Variants in KCNK2 observed in about 807,000 individuals in gnomAD.
KCNK2 encodes potassium two pore domain channel subfamily K member 2, also known as potassium channel subfamily K member 2.
In KCNK2, 21 loss-of-function variants were observed where a neutral mutation model predicts 40.5. That is an observed-to-expected ratio of 0.52 (90% CI 0.37 to 0.75). KCNK2 has a LOEUF of 0.75. KCNK2 is among the 30% of genes least tolerant of loss of function. The pLI is 0.00. For synonymous variants in KCNK2, 191 were observed against 202.2 expected (o/e 0.94, Z 0.47); for missense variants, 399 against 531.6 (o/e 0.75, Z 2.45).
chr1:215,174,874 C>T (rs373056279), intron 5 of KCNK2, among the ~76,000 whole-genome samples: 45 of 152,174 alleles, frequency 3.0e-4, no homozygotes, highest in African/African-American at 7.5e-4. Context: ...TGGGCCGAGA[C>T]GATGGGGTTT....
chr1:215,169,115 T>A, intron 3 of KCNK2, 84 bp from the exon 4 acceptor site: 1 of 1,085,910 alleles, frequency 9.2e-7, no homozygotes, highest in Non-Finnish European at 1.3e-6. Flanking sequence ...TATCTTGCAA[T>A]TTTTTGGAGT....
intron 5 of KCNK2, among the ~76,000 whole-genome samples, chr1:215,188,427 T>TA (rs1291718413): frequency 6.6e-6 from 1 of 152,222 alleles, no homozygotes; most frequent in Non-Finnish European, 1.5e-5. Context: ...TTCTTGGAAT[T>TA]ACATTTTCAA....
At chr1:215,146,049 G>A (rs532127457) in intron 3 of KCNK2, among the ~76,000 whole-genome samples, 67 of 152,194 alleles carry the variant, frequency 4.4e-4, no homozygotes, top group Admixed American at 9.8e-4. Flanking sequence ...TTTAGTGCTC[G>A]TGTTTTATTA....
At chr1:215,134,421 G>T (rs978165033) in intron 3 of KCNK2, among the ~76,000 whole-genome samples, 1 of 152,168 alleles carries the variant, frequency 6.6e-6, no homozygotes, top group African/African-American at 2.4e-5. Context: ...TATTACAAGG[G>T]ATACAGATGA....
rs1279438837 is a variant in KCNK2 at position 215,134,743 on chromosome 1, T to C, written c.475+9993T>C. On this transcript the variant is annotated intron_variant, in intron 3 of 6. Coordinates refer to ENST00000444842, the MANE Select transcript of KCNK2 (RefSeq NM_001017425.3). Reference sequence around the variant, plus strand: ...CTCATTAGAACAAAAGATGCTCCTATCACCCAGGAAATTCTAAGGGATTGG... The same window carrying C: ...CTCATTAGAACAAAAGATGCTCCTACCACCCAGGAAATTCTAAGGGATTGG... 2.6e-5 allele frequency among the ~76,000 whole-genome samples: 4 copies of C among 152,008 alleles called. No homozygotes were observed. In the East Asian group the frequency reaches 7.7e-4, roughly 29 times the overall value.
At chr1:215,117,191 A>G (rs573405741) in intron 2 of KCNK2, among the ~76,000 whole-genome samples, 1 of 152,190 alleles carries the variant, frequency 6.6e-6, no homozygotes, top group Admixed American at 6.5e-5. Flanking sequence ...GTTTCATGTA[A>G]TGAGTCACAA....
intron 2 of KCNK2, among the ~76,000 whole-genome samples, chr1:215,112,952 A>G (rs576553110): frequency 3.9e-5 from 6 of 152,188 alleles, no homozygotes; most frequent in Non-Finnish European, 7.4e-5. Context: ...GACAGAATAC[A>G]GTGTAGTCAC....
chr1:215,183,008 A>C (rs1161307510), intron 5 of KCNK2, among the ~76,000 whole-genome samples: 1 of 152,128 alleles, frequency 6.6e-6, no homozygotes, highest in Non-Finnish European at 1.5e-5. Flanking sequence ...TATCAGCCAG[A>C]TGCTGTCATG....
At chr1:215,147,901 G>C (rs1268959945) in intron 3 of KCNK2, among the ~76,000 whole-genome samples, 1 of 152,058 alleles carries the variant, frequency 6.6e-6, no homozygotes, top group African/African-American at 2.4e-5. Context: ...TTTCTAAAAG[G>C]TTTGCTCTTT....
At chr1:215,032,762 T>C (rs1657249827) in intron 1 of KCNK2, among the ~76,000 whole-genome samples, 1 of 152,142 alleles carries the variant, frequency 6.6e-6, no homozygotes, top group African/African-American at 2.4e-5. Context: ...TTTTTGCTTC[T>C]CTGTAGGTAA....
At chr1:215,045,765 T>G (rs1356560729) in intron 1 of KCNK2, among the ~76,000 whole-genome samples, 1 of 152,174 alleles carries the variant, frequency 6.6e-6, no homozygotes, top group Non-Finnish European at 1.5e-5. Flanking sequence ...TTTCCTGGGC[T>G]CTCACCTGTA....
intron 2 of KCNK2, among the ~76,000 whole-genome samples, chr1:215,100,265 C>CT (rs1231967177): frequency 6.6e-6 from 1 of 151,830 alleles, no homozygotes; most frequent in African/African-American, 2.4e-5. Context: ...GTCAGGATGC[C>CT]TAAACAGATT....
intron 3 of KCNK2, among the ~76,000 whole-genome samples, chr1:215,158,882 C>T (rs550518615): frequency 5.8e-4 from 88 of 152,140 alleles, no homozygotes; most frequent in African/African-American, 1.9e-3. Context: ...ATAGTGCACC[C>T]TGCTGACTTG....
chr1:215,084,668 T>G (rs1659352957), intron 1 of KCNK2, among the ~76,000 whole-genome samples: 1 of 152,228 alleles, frequency 6.6e-6, no homozygotes, highest in Non-Finnish European at 1.5e-5. Flanking sequence ...TTATAAATAT[T>G]TTAAAGGTAT....
intron 1 of KCNK2, among the ~76,000 whole-genome samples, chr1:215,063,143 C>A (rs537468773): frequency 6.6e-6 from 1 of 152,008 alleles, no homozygotes; most frequent in South Asian, 2.1e-4. Flanking sequence ...TTTGTGGGAA[C>A]GGTAAGCAAT....
chr1:215,067,184 A>G (rs1039735239), intron 1 of KCNK2, among the ~76,000 whole-genome samples: 10 of 152,206 alleles, frequency 6.6e-5, no homozygotes, highest in African/African-American at 2.2e-4. Context: ...GGTTTATACT[A>G]TCTTCAGTTC....
rs1243064508 is a variant in KCNK2, at chr1:215,093,736, T to TA, written c.357+7060dup. 3.3e-5 allele frequency among the ~76,000 whole-genome samples: 3 copies of TA among 90,068 alleles called. No individual in the cohort carries two copies. In the East Asian group the frequency reaches 8.7e-4, roughly 26 times the overall value. 59.1% of individuals were successfully genotyped at this position (90,068 alleles called of 152,430 possible). A position where few individuals can be genotyped will look rare whatever the true frequency, so the allele number is the denominator to read the frequency against. ...ATATTATATAAAAATATATAATATA[T>TA]AATATAAAAATATATTATATATTAT... is the stretch of plus-strand genomic sequence containing the variant. On this transcript the variant is annotated intron_variant, in intron 2 of 6. Transcript: ENST00000444842.
intron 1 of KCNK2, among the ~76,000 whole-genome samples, chr1:215,085,434 A>G (rs909062646): frequency 1.5e-4 from 23 of 152,184 alleles, no homozygotes; most frequent in African/African-American, 5.1e-4. Context: ...TCCATTAATG[A>G]TATTTTTGAA....
At chr1:215,111,555 T>G (rs1660683902) in intron 2 of KCNK2, among the ~76,000 whole-genome samples, 1 of 152,138 alleles carries the variant, frequency 6.6e-6, no homozygotes, top group South Asian at 2.1e-4. Context: ...TCTAGTAAAT[T>G]TTTCCACTAA....
Sources: gnomAD v4.1 joint callset for allele counts (sites outside exome capture counted in the v4.1 genomes callset) on GRCh38, gnomAD v4.1.1 for gene constraint, MANE v1.5 for transcripts, NCBI Gene and HGNC (gene_info 2026-07-23, HGNC 2026-07-21) for gene names.